N4BP2: variants seen among roughly 807,000 people sequenced by gnomAD.
N4BP2 encodes the protein NEDD4 binding protein 2.
N4BP2 carries 91 observed loss-of-function variants against 152.8 expected under a neutral mutation model. The ratio of observed to expected loss-of-function variants is 0.60; its 90% CI spans 0.50 to 0.71. N4BP2 has a LOEUF of 0.71. Among genes scored for constraint, N4BP2 ranks in the 30% least tolerant of loss-of-function variants. The pLI, the probability that N4BP2 is intolerant of heterozygous loss-of-function variation, is 0.00. For missense variants in N4BP2, 1,923 were observed against 2,059.1 expected (o/e 0.93, Z 1.28); for synonymous variants, 646 against 705.3 (o/e 0.92, Z 1.33).
At chr4:40,073,362 A>G (rs1712402987) in intron 1 of N4BP2, 93 bp from the exon 2 acceptor site, 1 of 152,006 alleles carries the variant, frequency 6.6e-6, no homozygotes, top group South Asian at 2.1e-4. Context: ...TATCATATAT[A>G]TTATAAATAT....
chr4:40,114,202 A>G (rs768590203), intron 7 of N4BP2, among the ~76,000 whole-genome samples: 3 of 152,196 alleles, frequency 2.0e-5, no homozygotes, highest in Non-Finnish European at 2.9e-5. Context: ...ATACTTCCAT[A>G]GAGATAGCCC....
chr4:40,085,698 C>T (rs1713871173), intron 2 of N4BP2, among the ~76,000 whole-genome samples: 1 of 152,112 alleles, frequency 6.6e-6, no homozygotes, highest in South Asian at 2.1e-4. Flanking sequence ...TGTATTGTTT[C>T]CAAGTTGAGA....
In N4BP2 at chr4:40,120,857, G is replaced by T. The variant is rs763697820; in HGVS notation, c.2746G>T (p.Asp916Tyr). 6.2e-7 allele frequency: 1 copy of T among 1,614,090 alleles called. No homozygotes were observed. Among genetic ancestry groups the T allele is most frequent in the Admixed American group, 1.7e-5 (1 of 60,006 alleles). ...GCCCAACCTAGAAATTGGAACAAAT[G>T]ACAAAATGAATGAAATATCCTTATC... ...SEPNLEIGTN[D>Y]KMNEISLSTA... Residue 916 changes from aspartate (D) to tyrosine (Y), a missense_variant, in exon 9 of 18, where the codon GAC (aspartate) becomes TAC (tyrosine). Transcript: ENST00000261435.
downstream of N4BP2, among the ~76,000 whole-genome samples, chr4:40,160,327 T>C (rs978281603): frequency 6.6e-6 from 1 of 152,182 alleles, no homozygotes; most frequent in African/African-American, 2.4e-5. Flanking sequence ...GTTTGACGTA[T>C]TTTTCGATTT....
intron 2 of N4BP2, among the ~76,000 whole-genome samples, chr4:40,096,750 T>G (rs1398789321): frequency 6.6e-6 from 1 of 152,110 alleles, no homozygotes; most frequent in Admixed American, 6.6e-5. Context: ...ACTGACAAAA[T>G]TGGCTTACCA....
rs371733301 is a variant in N4BP2 at position 40,104,311 on chromosome 4, T to G, written c.1373+1093T>G. Among the ~76,000 whole-genome samples the G allele has an allele frequency of 3.8e-4, 58 of 151,904 alleles. No homozygotes were observed. In the South Asian group the frequency reaches 0.012, roughly 32 times the overall value. ...AATTTTAACCATTAGCCTTCTAACA[T>G]TATCAGTTGGGTCTCTATTTGATCC... On this transcript the variant is annotated intron_variant, in intron 4 of 17. Transcript: ENST00000261435.
At position 40,124,157 on chromosome 4, in the gene N4BP2, T is replaced by G. The variant is rs1253256793; in HGVS notation, c.4285-3T>G. ...CAATCTCTTGCCTGGCTTTTGTGTTTAGGAGCGACAAAGACAAGAAGAGGT... is the reference window on the plus strand; with the variant it reads ...CAATCTCTTGCCTGGCTTTTGTGTTGAGGAGCGACAAAGACAAGAAGAGGT... On this transcript the variant is annotated splice_region_variant and splice_polypyrimidine_tract_variant and intron_variant, in intron 10 of 17. Transcript: ENST00000261435. The G allele has an allele frequency of 2.5e-6, 4 of 1,608,820 alleles. No homozygotes were observed. In the Admixed American group the frequency reaches 6.7e-5, roughly 27 times the overall value.
At chr4:40,173,238 A>G in the N4BP2 span, among the ~76,000 whole-genome samples, 5 of 152,196 alleles carry the variant, frequency 3.3e-5, no homozygotes, top group Admixed American at 3.3e-4. Flanking sequence ...GATCCTGGGT[A>G]TGGACAAATT....
chr4:40,104,574 T>G (rs543247459), intron 4 of N4BP2, among the ~76,000 whole-genome samples: 8 of 152,270 alleles, frequency 5.3e-5, no homozygotes, highest in African/African-American at 1.9e-4. Context: ...TAGATGTTAC[T>G]GTCAGTCATG....
At position 40,126,156 on chromosome 4, in the gene N4BP2, T is replaced by C. The variant is rs763993371; in HGVS notation, c.4353T>C (p.Thr1451=). 2 of 1,596,802 alleles carry C rather than the reference T, an allele frequency of 1.3e-6. No individual in the cohort carries two copies. Among genetic ancestry groups the C allele is most frequent in the Non-Finnish European group, 1.7e-6 (2 of 1,174,330 alleles). The change falls in exon 12 of 18, where the codon ACT becomes ACC. Residue 1451 remains threonine, a synonymous_variant. Coordinates refer to ENST00000261435, the MANE Select transcript of N4BP2 (RefSeq NM_018177.6). ...FMQDPSLVGH[T]GLDNPEQKSS... The stretch of plus-strand genomic sequence containing the variant: ...TAGATCCTTCCTTGGTTGGACATAC[T>C]GGGCTTGATAATCCTGAACAAAAAT...
the N4BP2 span, among the ~76,000 whole-genome samples, chr4:40,168,583 T>G: frequency 1.6e-5 from 1 of 61,032 alleles, no homozygotes; most frequent in Non-Finnish European, 3.4e-5. Context: ...AAAATGAAAT[T>G]TATGGATTTT....
At position 40,147,690 on chromosome 4, in the gene N4BP2, C is replaced by G. The variant is rs1015256843; in HGVS notation, c.5143+2890C>G. 8.6e-5 allele frequency among the ~76,000 whole-genome samples: 13 copies of G among 150,814 alleles called. No individual in the cohort carries two copies. The East Asian group carries it at 2.6e-3, about 30-fold the overall frequency. On this transcript the variant is annotated intron_variant, in intron 16 of 17. Transcript: ENST00000261435. ...GCTGGCCGGGTGGGGGCTGACCCCCCACCTCCCTCCCAGACGGGGCGGCTG... is the reference window on the plus strand; with the variant it reads ...GCTGGCCGGGTGGGGGCTGACCCCCGACCTCCCTCCCAGACGGGGCGGCTG...
chr4:40,073,797 G>T (rs1712452621), intron 2 of N4BP2, among the ~76,000 whole-genome samples: 1 of 150,964 alleles, frequency 6.6e-6, no homozygotes, highest in Admixed American at 6.6e-5. Context: ...TTTTGTTTTT[G>T]TTTTGTTTTT....
chr4:40,148,882 A>G (rs10005788), intron 16 of N4BP2, among the ~76,000 whole-genome samples: 4,393 of 152,210 alleles, frequency 0.029, 223 homozygotes, highest in African/African-American at 0.1. Context: ...TCGATGGACA[A>G]TTAGGTTGTT....
intron 12 of N4BP2, among the ~76,000 whole-genome samples, chr4:40,130,110 C>T (rs1449658991): frequency 6.6e-6 from 1 of 152,002 alleles, no homozygotes; most frequent in Non-Finnish European, 1.5e-5. Context: ...TGCAGTGGCG[C>T]AATCTCCTGG....
At chr4:40,189,148 CACAAAACAAAACAAA>C in the N4BP2 span, among the ~76,000 whole-genome samples, 722 of 149,212 alleles carry the variant, frequency 4.8e-3, no homozygotes, top group Admixed American at 7.7e-3. The surrounding 1 kb of genome is among the most constrained non-coding windows in gnomAD (Gnocchi z 4.3). Flanking sequence ...CTGTCTCAAA[CACAAAACAAAACAAA>C]ACAAAACAAA....
chr4:40,078,602 T>C (rs1246223918), intron 2 of N4BP2, among the ~76,000 whole-genome samples: 2 of 151,934 alleles, frequency 1.3e-5, no homozygotes, highest in Non-Finnish European at 2.9e-5. Flanking sequence ...ATGGCTCAAC[T>C]GCAGCCTTGA....
chr4:40,160,769 T>TA (rs1412098764), downstream of N4BP2, among the ~76,000 whole-genome samples: 1 of 152,174 alleles, frequency 6.6e-6, no homozygotes, highest in Non-Finnish European at 1.5e-5. Flanking sequence ...GCATAGTTGA[T>TA]AAAGGGGCTT....
the N4BP2 span, among the ~76,000 whole-genome samples, chr4:40,163,254 G>T: frequency 6.6e-6 from 1 of 152,216 alleles, no homozygotes; most frequent in East Asian, 1.9e-4. Context: ...AATGTACCTA[G>T]TATAATCATA....
Sources: allele counts gnomAD v4.1 joint callset (sites outside exome capture counted in the v4.1 genomes callset), GRCh38; gene constraint gnomAD v4.1.1; non-coding constraint Gnocchi (gnomAD v3.1); transcripts MANE v1.5; gene names NCBI Gene and HGNC (gene_info 2026-07-23, HGNC 2026-07-21).